AKR1C2: variants seen among roughly 807,000 people sequenced by gnomAD.
AKR1C2 encodes the protein 3-alpha-HSD3.
Under a neutral mutation model 39.8 loss-of-function variants are expected in AKR1C2, and 27 were observed. That is an observed-to-expected ratio of 0.68 (90% CI 0.50 to 0.93). The LOEUF (loss-of-function observed/expected upper bound fraction) is 0.93, where lower values mean the gene tolerates loss of function less well. Among genes scored for constraint, AKR1C2 ranks in the 40% least tolerant of loss-of-function variants. AKR1C2 has a pLI of 0.00. For synonymous variants in AKR1C2, 114 were observed against 137.9 expected (o/e 0.83, Z 1.22); for missense variants, 263 against 365.1 (o/e 0.72, Z 2.28).
At chr10:5,016,471 C>G (rs1308950015) in intron 1 of AKR1C2, among the ~76,000 whole-genome samples, 1 of 152,196 alleles carries the variant, frequency 6.6e-6, no homozygotes, top group African/African-American at 2.4e-5. Context: ...CCGAAATAAT[C>G]TCTATTGACT....
At chr10:4,994,348 A>T (rs1443021446) in intron 7 of AKR1C2, among the ~76,000 whole-genome samples, 1 of 152,154 alleles carries the variant, frequency 6.6e-6, no homozygotes, top group Non-Finnish European at 1.5e-5. Context: ...TTAATTAGGA[A>T]CATGCCCTCT....
upstream of AKR1C2, among the ~76,000 whole-genome samples, chr10:5,008,009 G>A (rs1260924100): frequency 2.8e-4 from 43 of 151,590 alleles, 1 homozygote; most frequent in African/African-American, 9.5e-4. Flanking sequence ...GCTTCTGGGG[G>A]CTTTGGGAAG....
chr10:5,017,968 G>A, upstream of AKR1C2: 1 of 152,406 alleles, frequency 6.6e-6, no homozygotes, highest in African/African-American at 2.4e-5. Flanking sequence ...GAGAGGGAGA[G>A]AGAGAGAGAA....
rs543631403 is a variant in AKR1C2 at position 4,991,469 on chromosome 10, C to T, written c.929+362G>A. Reference sequence around the variant, plus strand: ...CAGGTTGGGAAGAACAAGATAGAAGCACAGATTTGGAAACATCTAATGCGA... The same window carrying T: ...CAGGTTGGGAAGAACAAGATAGAAGTACAGATTTGGAAACATCTAATGCGA... On this transcript the variant is annotated intron_variant, in intron 8 of 8. Coordinates refer to ENST00000380753, the MANE Select transcript of AKR1C2 (RefSeq NM_001393392.1). 1.3e-3 allele frequency among the ~76,000 whole-genome samples: 193 copies of T among 152,194 alleles called. 1 individual carries two copies. The highest frequency in any genetic ancestry group is 4.3e-3 in the African/African-American group (177 of 41,498).
chr10:4,999,330 T>A (rs1183160497), intron 3 of AKR1C2, 53 bp from the exon 4 acceptor site: 18 of 1,566,826 alleles, frequency 1.1e-5, no homozygotes, highest in East Asian at 4.5e-5. Context: ...TCTCCACACA[T>A]AGCCATGCTC....
rs782370261 is a variant in AKR1C2 at position 5,000,569 on chromosome 10, T to C, written c.350A>G (p.His117Arg). 2.5e-6 allele frequency: 4 copies of C among 1,613,932 alleles called. No individual in the cohort carries two copies. Among genetic ancestry groups the C allele is most frequent in the Non-Finnish European group, 3.4e-6 (4 of 1,179,904 alleles). ...QLDYVDLYLI[H>R]FPVSVKPGEE... ...GCCTACCTTTACAGACACTGGAAAATGAATAAGATAGAGGTCAACATAGTC... is the reference window on the plus strand; with the variant it reads ...GCCTACCTTTACAGACACTGGAAAACGAATAAGATAGAGGTCAACATAGTC... Residue 117 changes from histidine (H) to arginine (R), a missense_variant, in exon 3 of 9, where the codon CAT (histidine) becomes CGT (arginine). Around this residue, in one of 3 missense-constraint regions of AKR1C2, gnomAD observed 247 missense variants for 267.9 expected, o/e 0.92. Transcript: ENST00000380753.
chr10:5,012,087 T>A (rs2398177), intron 1 of AKR1C2, among the ~76,000 whole-genome samples: 85 of 152,142 alleles, frequency 5.6e-4, no homozygotes, highest in Non-Finnish European at 9.3e-4. Context: ...AGGGACTATA[T>A]CTAGAAGGGG....
At position 5,003,827 on chromosome 10, in the gene AKR1C2, C is replaced by G. The variant is rs374370545; in HGVS notation, c.9G>C (p.Ser3=). 2 of 1,613,996 alleles carry G rather than the reference C, an allele frequency of 1.2e-6. No homozygotes were observed. Among genetic ancestry groups the G allele is most frequent in the African/African-American group, 2.7e-5 (2 of 74,908 alleles). ...CATTCAGCTTCACACACTGGTATTT[C>G]GAATCCATTTCTGTCACTGGCCTGG... MD[S]KYQCVKLNDG... Residue 3 remains serine (S), a synonymous_variant, in exon 1 of 9, where the codon TCG becomes TCC. Coordinates refer to ENST00000380753, the MANE Select transcript of AKR1C2 (RefSeq NM_001393392.1).
At chr10:5,008,110 C>T (rs575185063), upstream of AKR1C2, among the ~76,000 whole-genome samples, 115 of 149,736 alleles carry the variant, frequency 7.7e-4, no homozygotes, top group South Asian at 1.0e-3. Context: ...GCTGAAGTTG[C>T]AAGCGGCTGA....
At chr10:4,991,321 T>C (rs1305650212) in intron 8 of AKR1C2, among the ~76,000 whole-genome samples, 3 of 151,722 alleles carry the variant, frequency 2.0e-5, no homozygotes. Context: ...ACGAAAAAGG[T>C]TTGAAATGAT....
chr10:4,990,509 A>G (rs4881372), intron 8 of AKR1C2, among the ~76,000 whole-genome samples: 31,072 of 152,188 alleles, frequency 0.2, 4,008 homozygotes, highest in East Asian at 0.6. Context: ...CATATTACTT[A>G]CTACCTGCCT....
chr10:5,005,506 C>T (rs145603305), upstream of AKR1C2, among the ~76,000 whole-genome samples: 143 of 129,606 alleles, frequency 1.1e-3, 3 homozygotes, highest in East Asian at 0.019. Flanking sequence ...CATGGTGAAA[C>T]CCCGTCTCTA....
Position 4,990,008 on chromosome 10 carries a change from A to T in AKR1C2, c.960T>A (p.Ser320=), listed in dbSNP as rs1356612236. The change falls in exon 9 of 9, where the codon TCT becomes TCA. Residue 320 remains serine (S), a synonymous_variant. Coordinates refer to ENST00000380753, the MANE Select transcript of AKR1C2 (RefSeq NM_001393392.1). ...IFAGPPNYPF[S]DEY ...AATGCCCTCCATGTTAATATTCATC[A>T]GAAAATGGATAATTAGGGGGGCCAG... The T allele has an allele frequency of 1.4e-5, 23 of 1,607,490 alleles. No homozygotes were observed. Among genetic ancestry groups the T allele is most frequent in the Non-Finnish European group, 2.0e-5 (23 of 1,178,402 alleles).
chr10:5,005,229 T>C (rs1272838683), upstream of AKR1C2, among the ~76,000 whole-genome samples: 4 of 151,820 alleles, frequency 2.6e-5, no homozygotes, highest in African/African-American at 9.7e-5. Context: ...CATAGGTACA[T>C]GTTCAGAAAC....
intron 6 of AKR1C2, 115 bp downstream of exon 6, chr10:4,995,641 A>G (rs1345098263): frequency 1.5e-4 from 199 of 1,312,996 alleles, no homozygotes; most frequent in Non-Finnish European, 2.0e-4. Flanking sequence ...TCAGAAATGC[A>G]AATTCTTCCC....
Position 4,989,656 on chromosome 10 carries a change from A to T in AKR1C2, c.*340T>A, listed in dbSNP as rs1554771895. 1 of 295,440 alleles carries T rather than the reference A, an allele frequency of 3.4e-6. No homozygotes were observed. The allele number at this position is 295,440 out of a possible 1,614,324, so 18.3% of individuals were successfully genotyped here. On this transcript the variant is annotated 3_prime_UTR_variant, in exon 9 of 9. Coordinates refer to ENST00000380753, the MANE Select transcript of AKR1C2 (RefSeq NM_001393392.1). ...TCCACCCACTCCCACTGCAGAAATG[A>T]ATCTTAAATGGTTGTTAACATCTTC...
upstream of AKR1C2, chr10:5,005,992 T>C (rs1242829064): frequency 1.3e-5 from 2 of 152,120 alleles, no homozygotes; most frequent in Non-Finnish European, 2.9e-5. Context: ...CAATAGCAAA[T>C]TTGAGCAGGA....
At position 5,001,502 on chromosome 10, in the gene AKR1C2, T is replaced by G; in HGVS notation, c.252+12A>C. 6.2e-7 allele frequency: 1 copy of G among 1,610,314 alleles called. No individual in the cohort carries two copies. Among genetic ancestry groups the G allele is most frequent in the Non-Finnish European group, 8.5e-7 (1 of 1,178,476 alleles). On this transcript the variant is annotated intron_variant, in intron 2 of 8. Transcript: ENST00000380753. ...AATACATGTGCACACAAGCTCATCATAGGCACAGTACCTTTGAAGTGTAGA... is the reference window on the plus strand; with the variant it reads ...AATACATGTGCACACAAGCTCATCAGAGGCACAGTACCTTTGAAGTGTAGA...
At chr10:4,996,686 T>C (rs1394467507) in intron 5 of AKR1C2, among the ~76,000 whole-genome samples, 2 of 151,810 alleles carry the variant, frequency 1.3e-5, no homozygotes, top group African/African-American at 2.4e-5. Context: ...TCTACTCTGA[T>C]GGTGGTCATT....
Sources: allele counts gnomAD v4.1 joint callset (sites outside exome capture counted in the v4.1 genomes callset), GRCh38; gene constraint gnomAD v4.1.1; regional missense constraint gnomAD v4.1.1; transcripts MANE v1.5; gene names NCBI Gene and HGNC (gene_info 2026-07-23, HGNC 2026-07-21).